Variants in TOX observed in about 807,000 individuals in gnomAD.
TOX encodes thymocyte selection associated high mobility group box, also known as thymocyte selection-associated high mobility group box protein TOX.
TOX carries 11 observed loss-of-function variants against 53.7 expected under a neutral mutation model. The ratio of observed to expected loss-of-function variants is 0.20; its 90% CI spans 0.13 to 0.34. TOX has a LOEUF of 0.34. Ranked by LOEUF, TOX falls within the 10% of genes least tolerant of loss-of-function variation. TOX has a pLI of 1.00. For synonymous variants in TOX, 225 were observed against 245.3 expected, an observed-to-expected ratio of 0.92 and a Z score of 0.77; for missense variants, 570 against 664.6, an observed-to-expected ratio of 0.86 and a Z score of 1.56.
At chr8:59,066,225 A>C (rs1804090809) in intron 1 of TOX, among the ~76,000 whole-genome samples, 1 of 152,242 alleles carries the variant, frequency 6.6e-6, no homozygotes, top group Non-Finnish European at 1.5e-5. Context: ...AGGACTTACA[A>C]TAGTTTCATA....
At chr8:58,999,163 A>G (rs1744229244) in intron 1 of TOX, among the ~76,000 whole-genome samples, 2 of 152,232 alleles carry the variant, frequency 1.3e-5, no homozygotes, top group South Asian at 4.1e-4. Flanking sequence ...GCAAAGGAAG[A>G]AACAAAATAT....
intron 6 of TOX, among the ~76,000 whole-genome samples, chr8:58,821,959 C>G (rs1810283875): frequency 6.6e-6 from 1 of 152,132 alleles, no homozygotes; most frequent in Non-Finnish European, 1.5e-5. Context: ...TCTGAGGACT[C>G]TCCCAGTATG....
At chr8:58,995,087 CTTATTTAAAATTT>C (rs1813537081) in intron 1 of TOX, among the ~76,000 whole-genome samples, 1 of 152,162 alleles carries the variant, frequency 6.6e-6, no homozygotes, top group South Asian at 2.1e-4. Context: ...ATAAGCAAAG[CTTATTTAAAATTT>C]TTACTTTTCA....
At chr8:58,973,351 T>C (rs1813034249) in intron 1 of TOX, among the ~76,000 whole-genome samples, 1 of 151,960 alleles carries the variant, frequency 6.6e-6, no homozygotes, top group Non-Finnish European at 1.5e-5. Context: ...TCAAAATAGG[T>C]ACTTTCCAAC....
intron 3 of TOX, among the ~76,000 whole-genome samples, chr8:58,890,963 G>A (rs1285092896): frequency 6.6e-6 from 1 of 152,086 alleles, no homozygotes; most frequent in South Asian, 2.1e-4. Context: ...AGTCCAACAG[G>A]ATCTTAGAGA....
chr8:58,965,494 C>T (rs769922625), intron 1 of TOX, among the ~76,000 whole-genome samples: 2 of 151,988 alleles, frequency 1.3e-5, no homozygotes, highest in Non-Finnish European at 2.9e-5. Context: ...TATTAGGCTA[C>T]CAAAACCACA....
intron 5 of TOX, among the ~76,000 whole-genome samples, chr8:58,832,356 C>A (rs1044885015): frequency 6.6e-6 from 1 of 151,786 alleles, no homozygotes; most frequent in Non-Finnish European, 1.5e-5. Context: ...TTTTACATAT[C>A]CTTCACTCCT....
At chr8:59,060,499 T>A (rs1228362696) in intron 1 of TOX, among the ~76,000 whole-genome samples, 1 of 152,162 alleles carries the variant, frequency 6.6e-6, no homozygotes. Flanking sequence ...TGCTGGCACG[T>A]GCCTGTAGTC....
At chr8:58,847,009 C>G (rs1483411125) in intron 4 of TOX, among the ~76,000 whole-genome samples, 1 of 152,070 alleles carries the variant, frequency 6.6e-6, no homozygotes, top group Non-Finnish European at 1.5e-5. Flanking sequence ...AGATTTGTAG[C>G]CTGAACATAC....
intron 2 of TOX, among the ~76,000 whole-genome samples, chr8:58,957,929 T>C (rs1169804601): frequency 6.6e-6 from 1 of 152,198 alleles, no homozygotes; most frequent in Non-Finnish European, 1.5e-5. Context: ...ACTATTACAG[T>C]AAACAAAAGG....
intron 1 of TOX, among the ~76,000 whole-genome samples, chr8:59,002,622 C>CA (rs199576655): frequency 1.7e-3 from 254 of 150,160 alleles, no homozygotes; most frequent in South Asian, 8.6e-3. Flanking sequence ...AAAAAACAAA[C>CA]AAAAAAAATC....
At chr8:59,052,828 C>G (rs187533608) in intron 1 of TOX, among the ~76,000 whole-genome samples, 1 of 152,020 alleles carries the variant, frequency 6.6e-6, no homozygotes, top group Non-Finnish European at 1.5e-5. Context: ...TTAATACTTG[C>G]AAAGTTCTTA....
At chr8:58,997,397 A>T (rs1240913881) in intron 1 of TOX, among the ~76,000 whole-genome samples, 1 of 152,240 alleles carries the variant, frequency 6.6e-6, no homozygotes, top group East Asian at 1.9e-4. Context: ...ACTTGCGTCT[A>T]GGAACTGCAC....
chr8:58,884,669 A>C (rs1409998154), intron 3 of TOX, among the ~76,000 whole-genome samples: 1 of 152,140 alleles, frequency 6.6e-6, no homozygotes, highest in Non-Finnish European at 1.5e-5. Flanking sequence ...TTAAAATCCA[A>C]GTTTTAATTC....
intron 8 of TOX, 30 bp from the exon 9 acceptor site, chr8:58,807,813 G>C (rs1810005993): frequency 1.2e-6 from 2 of 1,613,772 alleles, no homozygotes; most frequent in African/African-American, 2.7e-5. Context: ...ACAGTTCCTT[G>C]TTACAGGACA....
At chr8:59,016,775 A>C (rs1342891551) in intron 1 of TOX, among the ~76,000 whole-genome samples, 1 of 152,264 alleles carries the variant, frequency 6.6e-6, no homozygotes, top group Non-Finnish European at 1.5e-5. Context: ...CTTATGTAAC[A>C]AAATAAGCTT....
chr8:58,939,670 C>A, intron 2 of TOX, 126 bp from the exon 3 acceptor site: 1 of 1,326,428 alleles, frequency 7.5e-7, no homozygotes, highest in Non-Finnish European at 1.0e-6. Context: ...ACATTTCAAA[C>A]CTTCAGATTA....
intron 5 of TOX, among the ~76,000 whole-genome samples, chr8:58,832,915 C>T (rs1030122653): frequency 1.3e-5 from 2 of 152,182 alleles, no homozygotes; most frequent in Non-Finnish European, 2.9e-5. Flanking sequence ...ATTATGCATC[C>T]TGAAAGAAGG....
rs1254550726 is a variant in TOX, at chr8:58,807,794, A to G, written c.1545-11T>C. The G allele has an allele frequency of 6.2e-7, 1 of 1,614,086 alleles. No individual in the cohort carries two copies. ...TCCCTCTGCATGCCCCTGTAGGAAG[A>G]GAAAAAAGACAGTTCCTTGTTACAG... On this transcript the variant is annotated splice_polypyrimidine_tract_variant and intron_variant, in intron 8 of 8. Transcript: ENST00000361421.
Sources: allele counts gnomAD v4.1 joint callset (sites outside exome capture counted in the v4.1 genomes callset), GRCh38; gene constraint gnomAD v4.1.1; transcripts MANE v1.5; gene names NCBI Gene and HGNC (gene_info 2026-07-23, HGNC 2026-07-21).